Variants in FAM184B observed in about 807,000 individuals in gnomAD.
The protein encoded by FAM184B is family with sequence similarity 184 member B, also known as protein FAM184B.
A neutral mutation model predicts 135.9 loss-of-function variants in FAM184B; 111 were observed. The observed-to-expected ratio is 0.82, with a 90% confidence interval of 0.70 to 0.96. The LOEUF (loss-of-function observed/expected upper bound fraction) is 0.96. Ranked by LOEUF, FAM184B falls within the 40% of genes least tolerant of loss-of-function variation. FAM184B has a pLI of 0.00. For synonymous variants in FAM184B, 552 were observed against 524.8 expected (o/e 1.05, Z -0.71); for missense variants, 1,375 against 1,323.9 (o/e 1.04, Z -0.60).
At position 17,707,648 on chromosome 4, in the gene FAM184B, C is replaced by A; in HGVS notation, c.1030+1G>T. On this transcript the variant is annotated splice_donor_variant, in intron 3 of 17. Transcript: ENST00000265018. LOFTEE classifies it high-confidence loss of function. ...AAGGAAATCATTCCAGGGCATCTCA[C>A]CTGTCTGCTGTGTCCCACGACACTC... 3.9e-6 allele frequency: 6 copies of A among 1,551,652 alleles called. No individual in the cohort carries two copies. The highest frequency in any genetic ancestry group is 5.2e-6 in the Non-Finnish European group (6 of 1,146,984).
At chr4:17,675,271 A>T (rs1560173727) in intron 7 of FAM184B, among the ~76,000 whole-genome samples, 1 of 152,230 alleles carries the variant, frequency 6.6e-6, no homozygotes, top group Non-Finnish European at 1.5e-5. Context: ...TGAAAACAAC[A>T]TTACTCTCCT....
intron 1 of FAM184B, among the ~76,000 whole-genome samples, chr4:17,733,832 A>G (rs1717845120): frequency 2.0e-5 from 3 of 152,222 alleles, no homozygotes; most frequent in African/African-American, 4.8e-5. Flanking sequence ...AAACTACTTT[A>G]AAGTTCATAT....
Position 17,629,691 on chromosome 4 carries a change from C to T in FAM184B, c.*2841G>A, listed in dbSNP as rs1714869319. 1 of 152,202 alleles carries T rather than the reference C, an allele frequency of 6.6e-6. No homozygotes were observed. Among genetic ancestry groups the T allele is most frequent in the African/African-American group, 2.4e-5 (1 of 41,440 alleles). The allele number at this position is 152,202 out of a possible 1,614,324, so 9.4% of individuals were successfully genotyped here. A position where few individuals can be genotyped will look rare whatever the true frequency, so the allele number is the denominator to read the frequency against. On this transcript the variant is annotated 3_prime_UTR_variant, in exon 18 of 18. Transcript: ENST00000265018. ...GAATTGGATAATTTCTCTTCATCTT[C>T]ACTGTCACCTCTACGCCATCACTGT... is the stretch of plus-strand genomic sequence containing the variant.
intron 1 of FAM184B, among the ~76,000 whole-genome samples, chr4:17,729,626 G>A (rs1355273961): frequency 6.6e-6 from 1 of 152,250 alleles, no homozygotes; most frequent in African/African-American, 2.4e-5. Flanking sequence ...CTGTTCTGCA[G>A]CCACTGCTGC....
At chr4:17,634,413 TCCTGGGTTCAAGTGATTCTCCTACCTCG>T in intron 16 of FAM184B, among the ~76,000 whole-genome samples, 1 of 152,294 alleles carries the variant, frequency 6.6e-6, no homozygotes, top group South Asian at 2.1e-4. Context: ...AACCTCCGCC[TCCTGGGTTCAAGTGATTCTCCTACCTCG>T]GCCTCCTGAG....
At chr4:17,767,277 GCTC>G (rs1314150325) in intron 1 of FAM184B, among the ~76,000 whole-genome samples, 2 of 152,208 alleles carry the variant, frequency 1.3e-5, no homozygotes, top group African/African-American at 4.8e-5. Context: ...GGGCTGAAGG[GCTC>G]CTCAAGCGTG....
intron 5 of FAM184B, among the ~76,000 whole-genome samples, chr4:17,696,429 A>G (rs1463965632): frequency 6.6e-6 from 1 of 152,228 alleles, no homozygotes; most frequent in Non-Finnish European, 1.5e-5. Context: ...TGGAAGGATC[A>G]TTAAGAACCG....
At chr4:17,658,590 CTA>C (rs1195792187) in intron 9 of FAM184B, 28 bp from the exon 10 acceptor site, 9 of 1,541,062 alleles carry the variant, frequency 5.8e-6, no homozygotes, top group Non-Finnish European at 7.9e-6. Context: ...TGCCCTCAGT[CTA>C]AGCCCCTTGC....
intron 1 of FAM184B, among the ~76,000 whole-genome samples, chr4:17,775,022 G>C (rs1185030388): frequency 1.6e-5 from 2 of 124,554 alleles, no homozygotes. Flanking sequence ...TTTTGAGATG[G>C]AGTCTTGCTC....
chr4:17,779,152 A>G lies in FAM184B; in HGVS notation c.141+2007T>C, dbSNP rs76039549. On this transcript the variant is annotated intron_variant, in intron 1 of 17. Transcript: ENST00000265018. The stretch of plus-strand genomic sequence containing the variant: ...GAAGAAAAAGAAGCAAGGAGAAAGA[A>G]TGGTAAATGAAAAACACAAGATCTG... Among the ~76,000 whole-genome samples the G allele has an allele frequency of 2.4e-3, 361 of 152,346 alleles. 3 individuals are homozygous for G. The highest frequency in any genetic ancestry group is 8.4e-3 in the African/African-American group (351 of 41,588).
chr4:17,660,855 C>G (rs1715901769), intron 8 of FAM184B, among the ~76,000 whole-genome samples: 1 of 152,026 alleles, frequency 6.6e-6, no homozygotes, highest in Non-Finnish European at 1.5e-5. Context: ...TCTTCTTCCC[C>G]TGACAAGGAC....
chr4:17,764,940 T>A (rs756811181), intron 1 of FAM184B, among the ~76,000 whole-genome samples: 2 of 152,024 alleles, frequency 1.3e-5, no homozygotes, highest in Non-Finnish European at 2.9e-5. Context: ...GTTGCACACA[T>A]CTGTAATCCC....
chr4:17,635,574 C>T (rs934404551), intron 15 of FAM184B, among the ~76,000 whole-genome samples: 1 of 151,926 alleles, frequency 6.6e-6, no homozygotes, highest in Non-Finnish European at 1.5e-5. Flanking sequence ...TATCATTTTC[C>T]ACTTTTTTCT....
chr4:17,702,695 A>T (rs1159876282), intron 5 of FAM184B, among the ~76,000 whole-genome samples: 1 of 152,212 alleles, frequency 6.6e-6, no homozygotes, highest in Non-Finnish European at 1.5e-5. Context: ...AGTAAGTGCA[A>T]CTTATTGTGA....
intron 16 of FAM184B, among the ~76,000 whole-genome samples, chr4:17,634,547 A>G (rs537903846): frequency 6.6e-6 from 1 of 152,024 alleles, no homozygotes; most frequent in Non-Finnish European, 1.5e-5. Context: ...TGGTCTTGAA[A>G]TCCTGACCTC....
chr4:17,732,671 C>A (rs560687883), intron 1 of FAM184B, among the ~76,000 whole-genome samples: 3 of 152,234 alleles, frequency 2.0e-5, no homozygotes, highest in South Asian at 4.1e-4. Context: ...CAATAACAGT[C>A]TCTGAAATTG....
chr4:17,672,411 G>C (rs575297633), intron 7 of FAM184B, among the ~76,000 whole-genome samples: 1 of 152,302 alleles, frequency 6.6e-6, no homozygotes, highest in Admixed American at 6.5e-5. Context: ...CGTTGATGAA[G>C]AGTGATGATA....
At chr4:17,664,485 T>C in intron 8 of FAM184B, 77 bp downstream of exon 8, 1 of 1,141,792 alleles carries the variant, frequency 8.8e-7, no homozygotes, top group Non-Finnish European at 1.3e-6. Flanking sequence ...GAGGATAGAA[T>C]GAATGAATGG....
At chr4:17,725,388 T>C (rs1012148108) in intron 1 of FAM184B, among the ~76,000 whole-genome samples, 1 of 152,224 alleles carries the variant, frequency 6.6e-6, no homozygotes, top group Non-Finnish European at 1.5e-5. Context: ...TTATCCCCAC[T>C]TAGCCTATTT....
Sources: gnomAD v4.1 joint callset for allele counts (sites outside exome capture counted in the v4.1 genomes callset) on GRCh38, gnomAD v4.1.1 for gene constraint, MANE v1.5 for transcripts, NCBI Gene and HGNC (gene_info 2026-07-23, HGNC 2026-07-21) for gene names.